UBA7: variants seen among roughly 807,000 people sequenced by gnomAD.
UBA7 encodes the protein ubiquitin-like modifier-activating enzyme 7.
A neutral mutation model predicts 113.0 loss-of-function variants in UBA7; 88 were observed. The observed-to-expected ratio is 0.78, with a 90% CI of 0.66 to 0.93. The LOEUF is 0.93. Ranked by LOEUF, UBA7 falls within the 40% of genes least tolerant of loss-of-function variation. The pLI is 0.00. For synonymous variants in UBA7, 459 were observed against 513.0 expected (o/e 0.89, Z 1.42); for missense variants, 1,092 against 1,266.4 (o/e 0.86, Z 2.09).
chr3:49,809,246 C>G (rs2081502753), intron 17 of UBA7, 87 bp from the exon 18 acceptor site: 1 of 1,539,418 alleles, frequency 6.5e-7, no homozygotes, highest in Non-Finnish European at 8.8e-7. Flanking sequence ...GAGTGCCTGC[C>G]TTTGCCTCAC....
At chr3:49,806,753 AG>A (rs971584638) in intron 21 of UBA7, among the ~76,000 whole-genome samples, 3 of 152,018 alleles carry the variant, frequency 2.0e-5, no homozygotes, top group Admixed American at 6.5e-5. Flanking sequence ...TCTAGAGACC[AG>A]GACAGGGGGT....
Position 49,808,066 on chromosome 3 carries a change from C to T in UBA7, c.2477G>A (p.Ser826Asn), listed in dbSNP as rs968084488. ...FHVDFVVAAA[S>N]LRCQNYGIPP... The stretch of plus-strand genomic sequence containing the variant: ...AATCCCGTAGTTCTGACATCTCAGG[C>T]TAGCTGCCGCTACCACAAAGTCCAC... The change falls in exon 20 of 24, where the codon AGC becomes AAC. Residue 826 changes from serine to asparagine, a missense_variant. Ser to Asn is a conservative substitution (Grantham distance 46). This residue lies in a region of UBA7 where 500 missense variants were observed against 529.3 expected (regional missense o/e 0.94). Coordinates refer to ENST00000333486, the MANE Select transcript of UBA7 (RefSeq NM_003335.3). The T allele has an allele frequency of 6.2e-7, 1 of 1,614,098 alleles. No individual in the cohort carries two copies. Among genetic ancestry groups the T allele is most frequent in the Admixed American group, 1.7e-5 (1 of 60,010 alleles).
At chr3:49,806,196 T>C in intron 21 of UBA7, 31 bp from the exon 22 acceptor site, 1 of 1,542,384 alleles carries the variant, frequency 6.5e-7, no homozygotes, top group Non-Finnish European at 8.8e-7. Flanking sequence ...AGTCAGAGAC[T>C]TCTTACCTCC....
chr3:49,812,940 A>G, intron 4 of UBA7, 122 bp downstream of exon 4: 1 of 1,263,690 alleles, frequency 7.9e-7, no homozygotes, highest in South Asian at 1.4e-5. Context: ...CAGAATCAGA[A>G]AGGCATGCTG....
In UBA7 at chr3:49,809,678, A is replaced by AAGGT. The variant is rs1455296517; in HGVS notation, c.1948_1951dup (p.Leu651TyrfsTer46). 1 of 1,614,144 alleles carries AAGGT rather than the reference A, an allele frequency of 6.2e-7. No homozygotes were observed. The highest frequency in any genetic ancestry group is 1.1e-5 in the South Asian group (1 of 91,086). On this transcript the variant is annotated frameshift_variant, in exon 16 of 24. Transcript: ENST00000333486. LOFTEE classifies it high-confidence loss of function. The stretch of plus-strand genomic sequence containing the variant: ...CAGGACCCCAAGCACTGGCTTCAGT[A>AAGGT]AGGTGAGTGTCTGTGGCTCATCCAT...
At chr3:49,806,202 C>A in intron 21 of UBA7, 37 bp from the exon 22 acceptor site, 1 of 1,530,740 alleles carries the variant, frequency 6.5e-7, no homozygotes, top group Non-Finnish European at 8.9e-7. Context: ...AGACTTCTTA[C>A]CTCCCCCCAA....
rs752503153 is a variant in UBA7 at position 49,809,120 on chromosome 3, A to G, written c.2203T>C (p.Tyr735His). ...CCAGGCAGCCCATGCATCTGGGCAT[A>G]CAGGTTGGCAGCTGCCAGTACGTAG... The part of the protein sequence containing the change: ...LLYVLAAANL[Y>H]AQMHGLPGSQ... The change falls in exon 18 of 24, where the codon TAT (tyrosine) becomes CAT (histidine). Residue 735 changes from tyrosine to histidine, a missense_variant. This residue lies in a region of UBA7 where 500 missense variants were observed against 529.3 expected (regional missense o/e 0.94). Transcript: ENST00000333486. 6.2e-7 allele frequency: 1 copy of G among 1,613,324 alleles called. No homozygotes were observed. The highest frequency in any genetic ancestry group is 1.7e-5 in the Admixed American group (1 of 59,842).
rs183153022 is a variant in UBA7, at chr3:49,810,266, C to A, written c.1630G>T (p.Ala544Ser). Residue 544 changes from alanine to serine, a missense_variant, in exon 13 of 24, where the codon GCC becomes TCC. Transcript: ENST00000333486. This position sits in a 1 kb window ranked among gnomAD's most constrained non-coding sequence, Gnocchi z 5.6. ...ACCTCCGAAGTCAAGCACTCACGGG[C>A]CTGGAAACTGTCCAGGGCAGCAGCC... ...GVAAALDSFQ[A>S]RRYVAARCTH... 32 of 1,613,730 alleles carry A rather than the reference C, an allele frequency of 2.0e-5. No individual in the cohort carries two copies. In the East Asian group the frequency reaches 4.2e-4, roughly 21 times the overall value.
At position 49,813,479 on chromosome 3, in the gene UBA7, C is replaced by T. The variant is rs771645686; in HGVS notation, c.225G>A (p.Gln75=). The T allele has an allele frequency of 6.2e-7, 1 of 1,613,142 alleles. No homozygotes were observed. Among genetic ancestry groups the T allele is most frequent in the South Asian group, 1.1e-5 (1 of 91,000 alleles). Residue 75 remains glutamine, a splice_region_variant and synonymous_variant, in exon 2 of 24, where the codon CAG becomes CAA. Transcript: ENST00000333486. ...HPTCWSDLAA[Q]FLLSEQDLER... ...GCCCATAGCCCCCCAGGACACTTAC[C>T]TGGGCAGCCAGGTCGGACCAGCAGG... is the stretch of plus-strand genomic sequence containing the variant.
At position 49,805,242 on chromosome 3, in the gene UBA7, T is replaced by C; in HGVS notation, c.*66A>G. Reference sequence around the variant, plus strand: ...ACAAGCATTTATTGAGTGCCTACTGTGGGCTTACAATGCAGGGCTTGGGAT... The same window carrying C: ...ACAAGCATTTATTGAGTGCCTACTGCGGGCTTACAATGCAGGGCTTGGGAT... On this transcript the variant is annotated 3_prime_UTR_variant, in exon 24 of 24. Coordinates refer to ENST00000333486, the MANE Select transcript of UBA7 (RefSeq NM_003335.3). 6.6e-7 allele frequency: 1 copy of C among 1,505,020 alleles called. No homozygotes were observed. The highest frequency in any genetic ancestry group is 9.2e-7 in the Non-Finnish European group (1 of 1,089,602). 93.2% of individuals were successfully genotyped at this position (1,505,020 alleles called of 1,614,324 possible). A position where few individuals can be genotyped will look rare whatever the true frequency, so the allele number is the denominator to read the frequency against.
intron 9 of UBA7, 73 bp downstream of exon 9, chr3:49,811,200 G>T (rs535490768): frequency 2.5e-6 from 4 of 1,602,348 alleles, no homozygotes; most frequent in African/African-American, 1.3e-5. Context: ...GCTCTCTAGC[G>T]CTGGGTGCCC....
chr3:49,805,773 G>T, intron 23 of UBA7, 124 bp downstream of exon 23: 1 of 1,007,826 alleles, frequency 9.9e-7, no homozygotes, highest in Non-Finnish European at 1.5e-6. Flanking sequence ...CTCCATTTGG[G>T]GAAAGAATGC....
At position 49,807,613 on chromosome 3, in the gene UBA7, T is replaced by G; in HGVS notation, c.2715+123A>C. 1.6e-6 allele frequency: 2 copies of G among 1,255,438 alleles called. No homozygotes were observed. Among genetic ancestry groups the G allele is most frequent in the East Asian group, 2.5e-5 (1 of 40,634 alleles). 77.8% of individuals were successfully genotyped at this position (1,255,438 alleles called of 1,614,324 possible). A position where few individuals can be genotyped will look rare whatever the true frequency, so the allele number is the denominator to read the frequency against. ...ATAGCAGGAAGAGGGCTGGAGGGAGTCTTCAGGACTTCTGCACAGTCTGAG... is the reference window on the plus strand; with the variant it reads ...ATAGCAGGAAGAGGGCTGGAGGGAGGCTTCAGGACTTCTGCACAGTCTGAG... On this transcript the variant is annotated intron_variant, in intron 21 of 23. Coordinates refer to ENST00000333486, the MANE Select transcript of UBA7 (RefSeq NM_003335.3). This position sits in a 1 kb window ranked among gnomAD's most constrained non-coding sequence, Gnocchi z 4.0.
At chr3:49,806,190 A>G in intron 21 of UBA7, 25 bp from the exon 22 acceptor site, 1 of 1,561,200 alleles carries the variant, frequency 6.4e-7, no homozygotes, top group Non-Finnish European at 8.7e-7. Context: ...AGGAGGAGTC[A>G]GAGACTTCTT....
At chr3:49,806,043 C>A (rs199582813) in intron 22 of UBA7, 30 bp downstream of exon 22, 4 of 1,576,208 alleles carry the variant, frequency 2.5e-6, no homozygotes, top group Non-Finnish European at 3.4e-6. Flanking sequence ...CTGGGCTGAG[C>A]CTGGGGGTTG....
At position 49,805,346 on chromosome 3, in the gene UBA7, C is replaced by T. The variant is rs1350463976; in HGVS notation, c.3001G>A (p.Glu1001Lys). 9 of 1,613,930 alleles carry T rather than the reference C, an allele frequency of 5.6e-6. No homozygotes were observed. Among genetic ancestry groups the T allele is most frequent in the African/African-American group, 2.7e-5 (2 of 74,964 alleles). The change falls in exon 24 of 24, where the codon GAG becomes AAG. Residue 1001 changes from glutamate (E) to lysine (K), a missense_variant. By Grantham distance (56) the Glu-to-Lys change is moderately conservative. Coordinates refer to ENST00000333486, the MANE Select transcript of UBA7 (RefSeq NM_003335.3). ...VLELSCEGDD[E>K]DTAFPPLHYE... The stretch of plus-strand genomic sequence containing the variant: ...TGCAGAGGTGGGAAGGCAGTGTCCT[C>T]GTCGTCACCCTCACAGCTCAGCTCT...
chr3:49,811,451 T>A lies in UBA7; in HGVS notation c.944A>T (p.Asp315Val). 6.4e-7 allele frequency: 1 copy of A among 1,572,306 alleles called. No homozygotes were observed. The highest frequency in any genetic ancestry group is 8.6e-7 in the Non-Finnish European group (1 of 1,158,956). The change falls in exon 9 of 24, where the codon GAT becomes GTT. Residue 315 changes from aspartate to valine, a missense_variant. By Grantham distance (152) the Asp-to-Val change is radical. This residue lies in a region of UBA7 where 584 missense variants were observed against 714.5 expected (regional missense o/e 0.82). Transcript: ENST00000333486. ...GRPPQPWDPV[D>V]AETVVGLARD... ...GGCCAGGCCCACCACAGTCTCTGCA[T>A]CAACCTGTTGGTAGGACTCTGTGGG...
At chr3:49,808,875 A>G (rs1052243247) in intron 18 of UBA7, 101 bp downstream of exon 18, 7 of 1,433,000 alleles carry the variant, frequency 4.9e-6, no homozygotes, top group Non-Finnish European at 6.5e-6. Flanking sequence ...AATTGGCTGT[A>G]GATCCCCTAG....
rs751934856 is a variant in UBA7 at position 49,808,028 on chromosome 3, G to A, written c.2515C>T (p.Arg839Cys). 17 of 1,614,122 alleles carry A rather than the reference G, an allele frequency of 1.1e-5. No homozygotes were observed. In the Middle Eastern group the frequency reaches 6.6e-4, roughly 63 times the overall value. The change falls in exon 20 of 24, where the codon CGT (arginine) becomes TGT (cysteine). Residue 839 changes from arginine (R) to cysteine (C), a missense_variant. By Grantham distance (180) the Arg-to-Cys change is radical (BLOSUM62 -3). Around this residue, in one of 3 missense-constraint regions of UBA7, gnomAD observed 500 missense variants for 529.3 expected, o/e 0.94. Coordinates refer to ENST00000333486, the MANE Select transcript of UBA7 (RefSeq NM_003335.3). ...CQNYGIPPVN[R>C]AQSKRIVGQI... The stretch of plus-strand genomic sequence containing the variant: ...TCAAGGGGTGGGGTTACCTGGGCAC[G>A]GTTGACCGGTGGAATCCCGTAGTTC...
Sources: allele counts gnomAD v4.1 joint callset (sites outside exome capture counted in the v4.1 genomes callset), GRCh38; gene constraint gnomAD v4.1.1; regional missense constraint gnomAD v4.1.1; non-coding constraint Gnocchi (gnomAD v3.1); transcripts MANE v1.5; gene names NCBI Gene and HGNC (gene_info 2026-07-23, HGNC 2026-07-21).